Variants in FRS2 observed in about 807,000 individuals in gnomAD.
FRS2 encodes FGFR signalling adaptor.
Under a neutral mutation model 43.9 loss-of-function variants are expected in FRS2, and 8 were observed. The ratio of observed to expected loss-of-function variants is 0.18; its 90% CI spans 0.11 to 0.33. The LOEUF is 0.33. Among genes scored for constraint, FRS2 ranks in the 10% least tolerant of loss-of-function variants. FRS2 has a pLI of 1.00. For synonymous variants in FRS2, 219 were observed against 220.3 expected (o/e 0.99, Z 0.05); for missense variants, 534 against 627.6 (o/e 0.85, Z 1.59).
At chr12:69,519,158 G>A (rs563054370) in intron 1 of FRS2, among the ~76,000 whole-genome samples, 11 of 152,274 alleles carry the variant, frequency 7.2e-5, no homozygotes, top group African/African-American at 2.6e-4. Context: ...GGGACACATA[G>A]ATATGAAGAT....
Position 69,577,530 on chromosome 12 carries a change from G to C in FRS2, c.*2575G>C, listed in dbSNP as rs994785156. 6.6e-6 allele frequency: 1 copy of C among 152,566 alleles called. No homozygotes were observed. The highest frequency in any genetic ancestry group is 1.5e-5 in the Non-Finnish European group (1 of 67,988). The allele number at this position is 152,566 out of a possible 1,614,324, so 9.5% of individuals were successfully genotyped here. A position where few individuals can be genotyped will look rare whatever the true frequency, so the allele number is the denominator to read the frequency against. ...GGCAGATCTAATTTTAGATAATTCT[G>C]TTGGTAGACCATGTGATCCTTCTTT... On this transcript the variant is annotated 3_prime_UTR_variant, in exon 9 of 9. Coordinates refer to ENST00000549921, the MANE Select transcript of FRS2 (RefSeq NM_001278356.2).
intron 1 of FRS2, among the ~76,000 whole-genome samples, chr12:69,523,429 T>C (rs1875888655): frequency 6.6e-6 from 1 of 152,210 alleles, no homozygotes; most frequent in African/African-American, 2.4e-5. Flanking sequence ...ATTTCCCTGG[T>C]AGATTTTTCT....
intron 1 of FRS2, among the ~76,000 whole-genome samples, chr12:69,512,564 G>T (rs756546576): frequency 2.0e-5 from 3 of 152,034 alleles, no homozygotes; most frequent in East Asian, 1.9e-4. Context: ...GACCAGAAAA[G>T]AATTTTTTTT....
At chr12:69,522,999 A>G (rs1733347967) in intron 1 of FRS2, among the ~76,000 whole-genome samples, 1 of 152,194 alleles carries the variant, frequency 6.6e-6, no homozygotes, top group South Asian at 2.1e-4. Flanking sequence ...GTTTATATTC[A>G]ATTGTGTAGT....
At chr12:69,547,568 A>G (rs1216568681) in intron 3 of FRS2, among the ~76,000 whole-genome samples, 1 of 152,194 alleles carries the variant, frequency 6.6e-6, no homozygotes, top group East Asian at 1.9e-4. Context: ...AATCTTATTC[A>G]TAGAAATAAA....
chr12:69,567,590 A>G (rs551167457), intron 4 of FRS2, among the ~76,000 whole-genome samples: 4 of 152,322 alleles, frequency 2.6e-5, no homozygotes, highest in Middle Eastern at 3.4e-3. Flanking sequence ...AGTGTGATAG[A>G]TGCTATGATA....
chr12:69,485,733 G>T (rs1019288441), intron 1 of FRS2, among the ~76,000 whole-genome samples: 3 of 152,210 alleles, frequency 2.0e-5, no homozygotes, highest in African/African-American at 7.2e-5. Flanking sequence ...CTCCCAAAGT[G>T]CTGGGATTAC....
At chr12:69,556,154 G>A (rs1879332223) in intron 3 of FRS2, among the ~76,000 whole-genome samples, 1 of 152,166 alleles carries the variant, frequency 6.6e-6, no homozygotes. Context: ...TCCTGCCTCA[G>A]TCTTCCAAAG....
chr12:69,516,216 T>C lies in FRS2; in HGVS notation c.-260-14649T>C, dbSNP rs577790843. ...GAGTAGATTATTATTATTATTATTA[T>C]TACTATTTTTTTTTTTTTTGAGACG... On this transcript the variant is annotated intron_variant, in intron 1 of 8. Coordinates refer to ENST00000549921, the MANE Select transcript of FRS2 (RefSeq NM_001278356.2). Among the ~76,000 whole-genome samples the C allele has an allele frequency of 1.5e-3, 223 of 148,064 alleles. 3 individuals carry two copies. Among genetic ancestry groups the C allele is most frequent in the African/African-American group, 5.1e-3 (207 of 40,602 alleles).
chr12:69,573,956 TTTTG>T (rs776689527), intron 8 of FRS2, 45 bp from the exon 9 acceptor site: 1 of 1,278,888 alleles, frequency 7.8e-7, no homozygotes. Flanking sequence ...TTTTTTTCAG[TTTTG>T]TTTTTTTAAG....
intron 6 of FRS2, among the ~76,000 whole-genome samples, chr12:69,570,956 T>C (rs1451474397): frequency 6.6e-6 from 1 of 152,222 alleles, no homozygotes; most frequent in African/African-American, 2.4e-5. Context: ...GCCTGTTACA[T>C]GGCAAATGAT....
At chr12:69,524,397 C>T (rs1875996065) in intron 1 of FRS2, among the ~76,000 whole-genome samples, 1 of 151,704 alleles carries the variant, frequency 6.6e-6, no homozygotes, top group African/African-American at 2.4e-5. Context: ...GGGGAGGGCA[C>T]AGTTGGGGGA....
intron 1 of FRS2, among the ~76,000 whole-genome samples, chr12:69,523,393 TG>T (rs1270080808): frequency 1.3e-5 from 2 of 152,220 alleles, no homozygotes; most frequent in Admixed American, 1.3e-4. Context: ...AAATTAGGAT[TG>T]CAACCCCTGC....
intron 4 of FRS2, among the ~76,000 whole-genome samples, chr12:69,563,990 C>T (rs1234515922): frequency 6.6e-6 from 1 of 152,116 alleles, no homozygotes; most frequent in Admixed American, 6.6e-5. Context: ...TCTTGACCTA[C>T]TGATTATAAG....
intron 3 of FRS2, among the ~76,000 whole-genome samples, chr12:69,538,197 T>TTTTTTATATATATATATATATATATATA (rs869192774): frequency 1.2e-5 from 1 of 81,638 alleles, no homozygotes; most frequent in Non-Finnish European, 2.3e-5. Context: ...AAAACAAATT[T>TTTTTTATATATATATATATATATATATA]TATATATATA....
At chr12:69,539,828 G>A (rs1055770391) in intron 3 of FRS2, among the ~76,000 whole-genome samples, 1 of 152,194 alleles carries the variant, frequency 6.6e-6, no homozygotes, top group Middle Eastern at 3.4e-3. Flanking sequence ...GGTGGCGGGC[G>A]CCTGTAATCC....
chr12:69,488,801 A>G (rs1232684940), intron 1 of FRS2, among the ~76,000 whole-genome samples: 3 of 152,122 alleles, frequency 2.0e-5, no homozygotes, highest in African/African-American at 7.3e-5. Context: ...ATAATTAACA[A>G]TAACAAGTGC....
intron 3 of FRS2, among the ~76,000 whole-genome samples, chr12:69,557,617 T>TGCGC (rs1377444472): frequency 6.2e-4 from 73 of 117,096 alleles, no homozygotes; most frequent in Middle Eastern, 4.3e-3. Context: ...TGTGTGTGTG[T>TGCGC]GTGCGCGCGC....
chr12:69,484,306 G>A (rs570073790), intron 1 of FRS2, among the ~76,000 whole-genome samples: 10 of 152,146 alleles, frequency 6.6e-5, no homozygotes, highest in East Asian at 3.9e-4. Context: ...GGATGGTCTC[G>A]ATCTCCTGAC....
Sources: gnomAD v4.1 joint callset for allele counts (sites outside exome capture counted in the v4.1 genomes callset) on GRCh38, gnomAD v4.1.1 for gene constraint, MANE v1.5 for transcripts, NCBI Gene and HGNC (gene_info 2026-07-23, HGNC 2026-07-21) for gene names.